Variants in LRRFIP1 observed in about 807,000 individuals in gnomAD.
LRRFIP1 encodes the protein leucine-rich repeat flightless-interacting protein 1.
A neutral mutation model predicts 104.4 loss-of-function variants in LRRFIP1; 62 were observed. The ratio of observed to expected loss-of-function variants is 0.59; its 90% CI spans 0.48 to 0.73. The LOEUF (loss-of-function observed/expected upper bound fraction) is 0.73. Ranked by LOEUF, LRRFIP1 falls within the 30% of genes least tolerant of loss-of-function variation. LRRFIP1 has a pLI of 0.00. For missense variants in LRRFIP1, 796 were observed against 824.5 expected (o/e 0.97, Z 0.42); for synonymous variants, 300 against 299.0 (o/e 1.00, Z -0.03).
chr2:237,705,740 C>T (rs754981658), intron 1 of LRRFIP1, among the ~76,000 whole-genome samples: 4 of 152,042 alleles, frequency 2.6e-5, no homozygotes, highest in South Asian at 4.1e-4. Flanking sequence ...ACCAAGGTGT[C>T]GGCCAGTCTG....
chr2:237,718,403 G>T (rs998382291), intron 4 of LRRFIP1, among the ~76,000 whole-genome samples: 1 of 152,144 alleles, frequency 6.6e-6, no homozygotes. Context: ...CTGCTTCCTA[G>T]AACAGCCCCT....
At chr2:237,774,228 A>G in intron 22 of LRRFIP1, 130 bp from the exon 23 acceptor site, 1 of 643,680 alleles carries the variant, frequency 1.6e-6, no homozygotes, top group Non-Finnish European at 2.7e-6. Flanking sequence ...ATAGTCCAAA[A>G]TGTTATAAGT....
intron 1 of LRRFIP1, among the ~76,000 whole-genome samples, chr2:237,680,405 A>G (rs1357882810): frequency 2.0e-5 from 3 of 152,340 alleles, no homozygotes; most frequent in Admixed American, 6.5e-5. Context: ...TTTTCTTGTC[A>G]TTATTCTCTA....
chr2:237,681,265 T>C (rs1282261922), intron 1 of LRRFIP1, among the ~76,000 whole-genome samples: 1 of 152,222 alleles, frequency 6.6e-6, no homozygotes, highest in African/African-American at 2.4e-5. Flanking sequence ...CAAAAAGCAA[T>C]GTTTACAACT....
At chr2:237,739,382 AC>A in intron 11 of LRRFIP1, 73 bp downstream of exon 11, 1 of 1,281,032 alleles carries the variant, frequency 7.8e-7, no homozygotes, top group Non-Finnish European at 1.1e-6. Flanking sequence ...TCCTCTTCCA[AC>A]GTCTCCAAAT....
At chr2:237,638,579 A>G (rs1347560508) in intron 1 of LRRFIP1, among the ~76,000 whole-genome samples, 1 of 152,220 alleles carries the variant, frequency 6.6e-6, no homozygotes, top group Non-Finnish European at 1.5e-5. Context: ...TGTGCTGTCT[A>G]TAGGACTCTG....
intron 20 of LRRFIP1, 29 bp from the exon 21 acceptor site, chr2:237,772,052 T>G (rs1223310376): frequency 6.6e-7 from 1 of 1,510,160 alleles, no homozygotes; most frequent in Admixed American, 1.7e-5. Flanking sequence ...GTAGAGAAAT[T>G]AACAGATTTT....
intron 10 of LRRFIP1, among the ~76,000 whole-genome samples, chr2:237,738,248 C>T (rs146380866): frequency 6.7e-6 from 1 of 149,690 alleles, no homozygotes; most frequent in Non-Finnish European, 1.5e-5. Context: ...TGGATGAGAT[C>T]TTGAGCACCC....
chr2:237,697,258 A>G (rs1013712356), intron 1 of LRRFIP1, among the ~76,000 whole-genome samples: 1 of 152,094 alleles, frequency 6.6e-6, no homozygotes, highest in African/African-American at 2.4e-5. Context: ...CCTGACCTCA[A>G]GTGATCCTCC....
Position 237,766,430 on chromosome 2 carries a change from A to G in LRRFIP1, c.1460-3513A>G, listed in dbSNP as rs759377051. On this transcript the variant is annotated intron_variant, in intron 19 of 23. Transcript: ENST00000308482. This position sits in a 1 kb window ranked among gnomAD's most constrained non-coding sequence, Gnocchi z 4.8. Reference sequence around the variant, plus strand: ...GGAATGCATACTGGAAACAGCTCTCATTCCTACCTTTAAAGGGCTCTTGGA... The same window carrying G: ...GGAATGCATACTGGAAACAGCTCTCGTTCCTACCTTTAAAGGGCTCTTGGA... Among the ~76,000 whole-genome samples the G allele has an allele frequency of 5.9e-5, 9 of 152,206 alleles. No individual in the cohort carries two copies. Among genetic ancestry groups the G allele is most frequent in the Non-Finnish European group, 1.2e-4 (8 of 68,034 alleles).
At chr2:237,694,739 T>G (rs2093050424) in intron 1 of LRRFIP1, among the ~76,000 whole-genome samples, 1 of 152,222 alleles carries the variant, frequency 6.6e-6, no homozygotes, top group African/African-American at 2.4e-5. Context: ...AGCCTGGGCT[T>G]CTTCAGCAAG....
In LRRFIP1 at chr2:237,757,548, G is replaced by T. The variant is rs769416788; in HGVS notation, c.1224G>T (p.Gly408=). ...ETIEWKDKKI[G]ALERQKEFFD... ...TAGAGTGGAAAGACAAAAAGATAGG[G>T]GTAGGATTCCCAAGTCTTGAAAATC... The change falls in exon 17 of 24, where the codon GGG becomes GGT. Residue 408 remains glycine (G), a splice_region_variant and synonymous_variant. Coordinates refer to ENST00000308482, the MANE Select transcript of LRRFIP1 (RefSeq NM_001137550.2). The T allele has an allele frequency of 6.4e-7, 1 of 1,567,134 alleles. No individual in the cohort carries two copies. The highest frequency in any genetic ancestry group is 8.7e-7 in the Non-Finnish European group (1 of 1,153,668).
intron 23 of LRRFIP1, among the ~76,000 whole-genome samples, chr2:237,777,260 T>C: frequency 6.6e-6 from 1 of 152,238 alleles, no homozygotes; most frequent in East Asian, 1.9e-4. Context: ...TGCTGTTGTT[T>C]TATATTGCCC....
chr2:237,686,928 T>A (rs1224984743), intron 1 of LRRFIP1, among the ~76,000 whole-genome samples: 1 of 152,150 alleles, frequency 6.6e-6, no homozygotes, highest in African/African-American at 2.4e-5. Flanking sequence ...TTGACCTGGG[T>A]GTGTGCCCTG....
At chr2:237,771,078 G>A (rs897471965) in intron 20 of LRRFIP1, among the ~76,000 whole-genome samples, 1 of 151,994 alleles carries the variant, frequency 6.6e-6, no homozygotes. Context: ...TGTTAATCAG[G>A]GGTCTCCTGT....
chr2:237,731,644 C>T (rs2095017876), intron 8 of LRRFIP1, among the ~76,000 whole-genome samples: 1 of 152,220 alleles, frequency 6.6e-6, no homozygotes, highest in South Asian at 2.1e-4. Context: ...AAGAAAACTT[C>T]ATTTCCAACT....
rs2092806799 is a variant in LRRFIP1 at position 237,691,999 on chromosome 2, GA to G, written c.97-16542del. 5.6e-6 allele frequency: 1 copy of G among 177,368 alleles called. No homozygotes were observed. The highest frequency in any genetic ancestry group is 2.7e-5 in the African/African-American group (1 of 37,464). The allele number at this position is 177,368 out of a possible 1,614,324, so 11.0% of individuals were successfully genotyped here. ...GTGGGGCGGAGCCGGTGGGGGTGGG[GA>G]AAGGGGCGTAACCGGGAGGGACCCT... On this transcript the variant is annotated intron_variant, in intron 1 of 23. Coordinates refer to ENST00000308482, the MANE Select transcript of LRRFIP1 (RefSeq NM_001137550.2). This position sits in a 1 kb window ranked among gnomAD's most constrained non-coding sequence, Gnocchi z 5.4.
chr2:237,669,915 G>T (rs2090073585), intron 1 of LRRFIP1, among the ~76,000 whole-genome samples: 1 of 152,176 alleles, frequency 6.6e-6, no homozygotes, highest in East Asian at 1.9e-4. Flanking sequence ...TTGCTTTTGG[G>T]AGAATCAGCT....
chr2:237,739,359 C>G lies in LRRFIP1; in HGVS notation c.633+50C>G, dbSNP rs574239153. 493 of 1,467,252 alleles carry G rather than the reference C, an allele frequency of 3.4e-4. 4 individuals carry two copies. The South Asian group carries it at 4.0e-3, about 12-fold the overall frequency. 90.9% of individuals were successfully genotyped at this position (1,467,252 alleles called of 1,614,324 possible). On this transcript the variant is annotated intron_variant, in intron 11 of 23. Transcript: ENST00000308482. ...CCTACTCAGTGTCACCCTCCCTCCC[C>G]CTTCCCTTATCCTCCTCTTCCAACG... is the stretch of plus-strand genomic sequence containing the variant.
Sources: allele counts gnomAD v4.1 joint callset (sites outside exome capture counted in the v4.1 genomes callset), GRCh38; gene constraint gnomAD v4.1.1; non-coding constraint Gnocchi (gnomAD v3.1); transcripts MANE v1.5; gene names NCBI Gene and HGNC (gene_info 2026-07-23, HGNC 2026-07-21).